Variants in FHIT observed in about 807,000 individuals in gnomAD.
The protein encoded by FHIT is fragile histidine triad diadenosine triphosphatase.
FHIT carries 19 observed loss-of-function variants against 17.9 expected under a neutral mutation model. That is an observed-to-expected ratio of 1.06 (90% confidence interval 0.74 to 1.56). FHIT has a LOEUF of 1.56. Among genes scored for constraint, FHIT ranks in the 40% most tolerant of loss-of-function variants. The pLI is 0.00. For synonymous variants in FHIT, 81 were observed against 69.7 expected (o/e 1.16, Z -0.81); for missense variants, 248 against 189.2 (o/e 1.31, Z -1.82).
intron 5 of FHIT, among the ~76,000 whole-genome samples, chr3:60,098,751 A>G (rs924908401): frequency 6.6e-6 from 1 of 152,176 alleles, no homozygotes; most frequent in Non-Finnish European, 1.5e-5. Flanking sequence ...AGCAAACTTT[A>G]TTGTAAGAAA....
At chr3:60,160,027 A>G (rs1245815170) in intron 5 of FHIT, among the ~76,000 whole-genome samples, 2 of 152,212 alleles carry the variant, frequency 1.3e-5, no homozygotes, top group Non-Finnish European at 2.9e-5. Context: ...TGTCTGCTAT[A>G]CAGAGAAACA....
At chr3:60,220,048 C>A (rs1027361986) in intron 5 of FHIT, among the ~76,000 whole-genome samples, 1 of 152,018 alleles carries the variant, frequency 6.6e-6, no homozygotes, top group Non-Finnish European at 1.5e-5. Context: ...AAGAAAGTGG[C>A]AAAGAATTAC....
At chr3:59,986,753 T>A (rs372815189) in intron 7 of FHIT, among the ~76,000 whole-genome samples, 348 of 722 alleles carry the variant, frequency 0.48, 77 homozygotes, top group East Asian at 1. Flanking sequence ...TATTTATATA[T>A]ATATAAATAT....
chr3:60,915,299 A>G (rs1385880497), intron 3 of FHIT, among the ~76,000 whole-genome samples: 3 of 152,182 alleles, frequency 2.0e-5, no homozygotes, highest in African/African-American at 7.2e-5. Flanking sequence ...GATACCACAT[A>G]TAAAAGTGGG....
chr3:60,006,568 T>A (rs1699932069), intron 7 of FHIT, among the ~76,000 whole-genome samples: 1 of 151,988 alleles, frequency 6.6e-6, no homozygotes. Flanking sequence ...TCCTAGCCAA[T>A]CTCTGCTACA....
intron 3 of FHIT, among the ~76,000 whole-genome samples, chr3:60,903,410 T>C (rs948272773): frequency 6.6e-6 from 1 of 152,152 alleles, no homozygotes. Context: ...TTAGAGAACA[T>C]AAAATACTTT....
At chr3:60,587,567 G>A (rs1392202671) in intron 4 of FHIT, among the ~76,000 whole-genome samples, 43 of 151,848 alleles carry the variant, frequency 2.8e-4, no homozygotes, top group African/African-American at 2.4e-5. Flanking sequence ...GATATTCACC[G>A]GGATAAAGAA....
At chr3:60,921,296 T>C (rs1707266941) in intron 3 of FHIT, among the ~76,000 whole-genome samples, 1 of 152,202 alleles carries the variant, frequency 6.6e-6, no homozygotes, top group African/African-American at 2.4e-5. Flanking sequence ...TGGTATTGTA[T>C]AGCTTTGGTG....
In FHIT at chr3:60,381,156, CAGA is replaced by C. The variant is rs1700783853; in HGVS notation, c.103+155701_103+155703del. On this transcript the variant is annotated intron_variant, in intron 5 of 9. Transcript: ENST00000492590. ...CCCCAAAGATGCCTCCCCAATTTAG[CAGA>C]AGTATATTGCTTAGGAGGGAACATA... 5.3e-5 allele frequency among the ~76,000 whole-genome samples: 8 copies of C among 152,200 alleles called. No individual in the cohort carries two copies. The South Asian group carries it at 1.7e-3, about 32-fold the overall frequency.
chr3:60,514,533 T>C (rs753400969), intron 5 of FHIT, among the ~76,000 whole-genome samples: 4 of 152,148 alleles, frequency 2.6e-5, no homozygotes, highest in East Asian at 1.9e-4. Context: ...AAATAGCTAA[T>C]GCATGCAGGG....
chr3:60,542,125 T>C (rs1471125083), intron 4 of FHIT, among the ~76,000 whole-genome samples: 1 of 152,256 alleles, frequency 6.6e-6, no homozygotes, highest in African/African-American at 2.4e-5. Context: ...ATATAAATTG[T>C]AGGTTTTAAA....
chr3:60,434,881 G>A (rs931723581), intron 5 of FHIT, among the ~76,000 whole-genome samples: 6 of 152,004 alleles, frequency 3.9e-5, no homozygotes, highest in Non-Finnish European at 7.4e-5. Flanking sequence ...TGTCATTTTG[G>A]AAATAACATC....
intron 4 of FHIT, among the ~76,000 whole-genome samples, chr3:60,757,496 A>C (rs1553718592): frequency 6.6e-6 from 1 of 152,176 alleles, no homozygotes; most frequent in African/African-American, 2.4e-5. Context: ...TCCTTAGGTG[A>C]TTGTGTCTAA....
chr3:60,959,202 T>C (rs1316807213), intron 3 of FHIT, among the ~76,000 whole-genome samples: 2 of 152,216 alleles, frequency 1.3e-5, no homozygotes, highest in Non-Finnish European at 2.9e-5. Flanking sequence ...TAGGTTGAAA[T>C]TCTGGCTCTG....
In FHIT at chr3:60,077,729, C is replaced by CACACACACATATATAT. The variant is rs1559611496; in HGVS notation, c.104-63578_104-63577insATATATATGTGTGTGT. Among the ~76,000 whole-genome samples the CACACACACATATATAT allele has an allele frequency of 7.0e-4, 47 of 67,246 alleles. No homozygotes were observed. The South Asian group carries it at 8.9e-3, about 13-fold the overall frequency. The allele number at this position is 67,246 out of a possible 152,430, so 44.1% of individuals were successfully genotyped here. ...ACACACACACACACACACACACACA[C>CACACACACATATATAT]ATATATAGAGGGGGGGGGGAGGATA... On this transcript the variant is annotated intron_variant, in intron 5 of 9. Coordinates refer to ENST00000492590, the MANE Select transcript of FHIT (RefSeq NM_002012.4).
intron 4 of FHIT, among the ~76,000 whole-genome samples, chr3:60,700,418 T>A (rs1227258126): frequency 6.6e-6 from 1 of 152,204 alleles, no homozygotes; most frequent in African/African-American, 2.4e-5. Flanking sequence ...ATGCTGGACA[T>A]CACATATAGA....
intron 2 of FHIT, among the ~76,000 whole-genome samples, chr3:61,127,155 G>A (rs1189443152): frequency 6.6e-6 from 1 of 152,194 alleles, no homozygotes; most frequent in Non-Finnish European, 1.5e-5. Flanking sequence ...CTTCGGTACT[G>A]AGAATCAACC....
chr3:60,314,675 T>A (rs994296855), intron 5 of FHIT, among the ~76,000 whole-genome samples: 1 of 152,164 alleles, frequency 6.6e-6, no homozygotes, highest in African/African-American at 2.4e-5. Context: ...TAGCAACATA[T>A]GGTGTGGCAG....
chr3:60,589,518 A>G (rs73836609), intron 4 of FHIT, among the ~76,000 whole-genome samples: 2,511 of 152,134 alleles, frequency 0.017, 70 homozygotes, highest in African/African-American at 0.056. Flanking sequence ...TCACTTTAAT[A>G]AACATTTAGA....
Sources: allele counts gnomAD v4.1 joint callset (sites outside exome capture counted in the v4.1 genomes callset), GRCh38; gene constraint gnomAD v4.1.1; transcripts MANE v1.5; gene names NCBI Gene and HGNC (gene_info 2026-07-23, HGNC 2026-07-21).